Variants in DOCK3 observed in about 807,000 individuals in gnomAD.
DOCK3 encodes dedicator of cytokinesis protein 3.
In DOCK3, 60 loss-of-function variants were observed where a neutral mutation model predicts 265.6. That is an observed-to-expected ratio of 0.23 (90% CI 0.18 to 0.28). The LOEUF (loss-of-function observed/expected upper bound fraction) is 0.28, where lower values mean the gene tolerates loss of function less well. Among genes scored for constraint, DOCK3 ranks in the 10% least tolerant of loss-of-function variants. The pLI is 1.00. For missense variants in DOCK3, 1,981 were observed against 2,594.3 expected (o/e 0.76, Z 5.14); for synonymous variants, 881 against 938.0 (o/e 0.94, Z 1.11).
At chr3:50,857,005 T>G (rs1329775859) in intron 3 of DOCK3, among the ~76,000 whole-genome samples, 1 of 152,240 alleles carries the variant, frequency 6.6e-6, no homozygotes, top group African/African-American at 2.4e-5. Context: ...TAATCATCCT[T>G]GCATCATAGG....
At chr3:51,340,101 G>A (rs2085140597) in intron 37 of DOCK3, among the ~76,000 whole-genome samples, 1 of 152,170 alleles carries the variant, frequency 6.6e-6, no homozygotes, top group Non-Finnish European at 1.5e-5. Context: ...CCCTCTGAGA[G>A]GGCATTGAAG....
intron 9 of DOCK3, among the ~76,000 whole-genome samples, chr3:51,115,055 GT>G (rs1173060379): frequency 6.6e-6 from 1 of 152,130 alleles, no homozygotes; most frequent in African/African-American, 2.4e-5. Flanking sequence ...GTCTATGATT[GT>G]TTGGCATTTG....
chr3:50,808,618 C>T (rs1226857583), intron 2 of DOCK3, among the ~76,000 whole-genome samples: 1 of 152,158 alleles, frequency 6.6e-6, no homozygotes, highest in African/African-American at 2.4e-5. Context: ...TAGAAACCAG[C>T]TCCAACCCAA....
intron 2 of DOCK3, among the ~76,000 whole-genome samples, chr3:50,829,691 C>T (rs1207488780): frequency 2.6e-5 from 4 of 152,204 alleles, no homozygotes; most frequent in African/African-American, 9.6e-5. Flanking sequence ...CCTTACACAG[C>T]TGTTTCATGT....
chr3:51,287,743 A>G (rs1356235058), intron 27 of DOCK3, among the ~76,000 whole-genome samples: 1 of 152,210 alleles, frequency 6.6e-6, no homozygotes, highest in Non-Finnish European at 1.5e-5. Flanking sequence ...TCTCAACTTA[A>G]AAAAGAACTA....
At chr3:50,728,349 T>G (rs1008848877) in intron 1 of DOCK3, among the ~76,000 whole-genome samples, 2 of 152,094 alleles carry the variant, frequency 1.3e-5, no homozygotes, top group Non-Finnish European at 1.5e-5. Context: ...TAAATACTTA[T>G]GTTAGAAGGA....
intron 1 of DOCK3, among the ~76,000 whole-genome samples, chr3:50,729,824 A>ATTTTT (rs60842906): frequency 2.2e-4 from 24 of 109,036 alleles, no homozygotes; most frequent in East Asian, 5.1e-4. Context: ...TCTGAATTTC[A>ATTTTT]TTTTTTTTTT....
intron 5 of DOCK3, among the ~76,000 whole-genome samples, chr3:51,010,772 C>T (rs991403460): frequency 6.6e-5 from 10 of 152,120 alleles, no homozygotes; most frequent in Admixed American, 4.6e-4. Flanking sequence ...TGTTACTTTT[C>T]GTATTTACTG....
chr3:51,167,254 T>C (rs1045485623), intron 12 of DOCK3, among the ~76,000 whole-genome samples: 1 of 152,148 alleles, frequency 6.6e-6, no homozygotes, highest in Non-Finnish European at 1.5e-5. Flanking sequence ...TGTCAAAGAC[T>C]AGTTCACTGA....
intron 1 of DOCK3, among the ~76,000 whole-genome samples, chr3:50,680,112 G>A (rs2034279915): frequency 6.6e-6 from 1 of 152,118 alleles, no homozygotes; most frequent in Non-Finnish European, 1.5e-5. Flanking sequence ...GTATATGACT[G>A]TGGCTTGAAA....
chr3:51,175,473 C>G (rs1163045995), intron 12 of DOCK3, among the ~76,000 whole-genome samples: 1 of 152,114 alleles, frequency 6.6e-6, no homozygotes, highest in Non-Finnish European at 1.5e-5. Flanking sequence ...CTCAGTGGAT[C>G]CTGAGTGGGC....
chr3:50,696,285 G>C (rs998921375), intron 1 of DOCK3, among the ~76,000 whole-genome samples: 1 of 152,288 alleles, frequency 6.6e-6, no homozygotes, highest in East Asian at 1.9e-4. Context: ...GTTATTGAAG[G>C]GGTCCGATTG....
At chr3:51,179,933 C>T (rs1226642009) in intron 12 of DOCK3, among the ~76,000 whole-genome samples, 3 of 151,406 alleles carry the variant, frequency 2.0e-5, no homozygotes, top group South Asian at 2.1e-4. Flanking sequence ...GGCCGGCGGA[C>T]GCGGTGTCTC....
intron 5 of DOCK3, among the ~76,000 whole-genome samples, chr3:50,978,728 G>A (rs1024156400): frequency 1.8e-4 from 28 of 152,360 alleles, no homozygotes; most frequent in African/African-American, 6.7e-4. Flanking sequence ...GCAATGGCGG[G>A]CGCCCCTCCC....
At chr3:50,827,302 C>G (rs1451439863) in intron 2 of DOCK3, among the ~76,000 whole-genome samples, 3 of 152,182 alleles carry the variant, frequency 2.0e-5, no homozygotes. Flanking sequence ...ATTTATTTCT[C>G]ACAGTTCTGG....
At chr3:51,282,507 T>C (rs1317016619) in intron 27 of DOCK3, among the ~76,000 whole-genome samples, 2 of 151,628 alleles carry the variant, frequency 1.3e-5, no homozygotes, top group Non-Finnish European at 2.9e-5. Flanking sequence ...TACAAACTTA[T>C]ACGGGTGTGG....
intron 3 of DOCK3, among the ~76,000 whole-genome samples, chr3:50,884,445 A>G (rs992873487): frequency 3.3e-5 from 5 of 152,220 alleles, no homozygotes; most frequent in African/African-American, 9.6e-5. Context: ...GTTGATAGAC[A>G]TCTGGGTTGT....
At position 51,341,288 on chromosome 3, in the gene DOCK3, G is replaced by T. The variant is rs754699856; in HGVS notation, c.3818G>T (p.Arg1273Leu). ...LYCELLQWED[R>L]PLREFLHYPS... The stretch of plus-strand genomic sequence containing the variant: ...TGTGAGCTGCTGCAGTGGGAGGACC[G>T]GCCACTACGGGAATTCCTCCACTAC... Residue 1273 changes from arginine (R) to leucine (L), a missense_variant, in exon 38 of 53, where the codon CGG (arginine) becomes CTG (leucine). Around this residue, in one of 4 missense-constraint regions of DOCK3, gnomAD observed 1,357 missense variants for 1,866.8 expected, o/e 0.73. Coordinates refer to ENST00000266037, the MANE Select transcript of DOCK3 (RefSeq NM_004947.5). The T allele has an allele frequency of 1.2e-6, 2 of 1,610,326 alleles. No individual in the cohort carries two copies. Among genetic ancestry groups the T allele is most frequent in the Non-Finnish European group, 1.7e-6 (2 of 1,178,002 alleles).
intron 3 of DOCK3, among the ~76,000 whole-genome samples, chr3:50,842,559 T>C (rs2045891679): frequency 6.6e-6 from 1 of 152,126 alleles, no homozygotes; most frequent in Admixed American, 6.5e-5. Context: ...TTGGGCCAGA[T>C]AATTCTTTAT....
Sources: allele counts gnomAD v4.1 joint callset (sites outside exome capture counted in the v4.1 genomes callset), GRCh38; gene constraint gnomAD v4.1.1; regional missense constraint gnomAD v4.1.1; transcripts MANE v1.5; gene names NCBI Gene and HGNC (gene_info 2026-07-23, HGNC 2026-07-21).